Variants in GALNT16 observed in about 807,000 individuals in gnomAD.
GALNT16 encodes polypeptide N-acetylgalactosaminyltransferase 16, also known as UDP-GalNAc:polypeptide N-acetylgalactosaminyltransferase-like protein 1.
GALNT16 carries 40 observed loss-of-function variants against 76.1 expected under a neutral mutation model. That is an observed-to-expected ratio of 0.53 (90% CI 0.41 to 0.68). The LOEUF is 0.68. Among genes scored for constraint, GALNT16 ranks in the 30% least tolerant of loss-of-function variants. The pLI, the probability that GALNT16 is intolerant of heterozygous loss-of-function variation, is 0.00. For synonymous variants in GALNT16, 276 were observed against 285.2 expected (o/e 0.97, Z 0.32); for missense variants, 621 against 731.9 (o/e 0.85, Z 1.75).
intron 1 of GALNT16, among the ~76,000 whole-genome samples, chr14:69,308,774 T>C (rs1044448904): frequency 2.0e-5 from 3 of 152,230 alleles, no homozygotes; most frequent in African/African-American, 7.2e-5. Context: ...AAGTGTATTT[T>C]TACCTAGAAA....
Position 69,331,545 on chromosome 14 carries a change from C to T in GALNT16, c.772C>T (p.Arg258Cys), listed in dbSNP as rs1392900745. 3 of 1,589,604 alleles carry T rather than the reference C, an allele frequency of 1.9e-6. No homozygotes were observed. The highest frequency in any genetic ancestry group is 2.2e-5 in the East Asian group (1 of 44,778). Residue 258 changes from arginine (R) to cysteine (C), a missense_variant, in exon 7 of 15, where the codon CGT becomes TGT. By Grantham distance (180) the Arg-to-Cys change is radical (BLOSUM62 -3). Coordinates refer to ENST00000448469, the MANE Select transcript of GALNT16 (RefSeq NM_001168368.2). ...CTACCTTGCAGCATCTGCTGACCTT[C>T]GTGGAGGTGAGTTCTGCTCCCGGGG... ...FAYLAASADL[R>C]GGFDWSLHFK...
intron 1 of GALNT16, among the ~76,000 whole-genome samples, chr14:69,312,054 AATCTGTCTATCTATCTATCT>A (rs1226151394): frequency 2.4e-5 from 3 of 125,756 alleles, no homozygotes; most frequent in South Asian, 2.4e-4. Context: ...AAAAAAAAAA[AATCTGTCTATCTATCTATCT>A]ATCTATCTAT....
In GALNT16 at chr14:69,320,009, C is replaced by A. The variant is rs61408451; in HGVS notation, c.178-702C>A. Among the ~76,000 whole-genome samples, 1,113 of 152,338 alleles carry A rather than the reference C, an allele frequency of 7.3e-3. 18 individuals carry two copies. Among genetic ancestry groups the A allele is most frequent in the African/African-American group, 0.026 (1,076 of 41,566 alleles). ...GCCTAGGAGACTGTCAATCTGCAGG[C>A]GCTTGGCAGCATCCATTCTGGTTTG... On this transcript the variant is annotated intron_variant, in intron 1 of 14. Coordinates refer to ENST00000448469, the MANE Select transcript of GALNT16 (RefSeq NM_001168368.2).
At chr14:69,357,238 C>G (rs2045700103), downstream of GALNT16, 1 of 152,248 alleles carries the variant, frequency 6.6e-6, no homozygotes, top group African/African-American at 2.4e-5. Context: ...AGTTGGTGCT[C>G]TCTCTCCAGA....
At chr14:69,315,074 T>C (rs1193411985) in intron 1 of GALNT16, among the ~76,000 whole-genome samples, 1 of 152,216 alleles carries the variant, frequency 6.6e-6, no homozygotes, top group Non-Finnish European at 1.5e-5. Flanking sequence ...GAAAATGACA[T>C]GGAAAATATT....
At chr14:69,311,306 C>G (rs183188758) in intron 1 of GALNT16, among the ~76,000 whole-genome samples, 2 of 152,336 alleles carry the variant, frequency 1.3e-5, no homozygotes, top group Admixed American at 1.3e-4. Context: ...GGTGTGAACT[C>G]TCTCTGAAGC....
intron 1 of GALNT16, among the ~76,000 whole-genome samples, chr14:69,278,079 G>GCT (rs2044497125): frequency 6.6e-6 from 1 of 150,460 alleles, no homozygotes; most frequent in Admixed American, 6.7e-5. Context: ...TGCTATCAAA[G>GCT]CTCACTATAA....
chr14:69,372,527 G>A, the GALNT16 span, among the ~76,000 whole-genome samples: 29 of 104,764 alleles, frequency 2.8e-4, no homozygotes, highest in Non-Finnish European at 4.4e-4. Flanking sequence ...ATGGAGTCTT[G>A]CTCTGTTGCC....
At chr14:69,304,014 A>G (rs529227899) in intron 1 of GALNT16, among the ~76,000 whole-genome samples, 1 of 152,158 alleles carries the variant, frequency 6.6e-6, no homozygotes, top group African/African-American at 2.4e-5. Flanking sequence ...TATAATTGCA[A>G]TGTGTTCTAT....
chr14:69,354,231 G>A lies in GALNT16; in HGVS notation c.*2063G>A, dbSNP rs372913700. On this transcript the variant is annotated 3_prime_UTR_variant, in exon 15 of 15. Coordinates refer to ENST00000448469, the MANE Select transcript of GALNT16 (RefSeq NM_001168368.2). ...ATGGACCTTTGGGGCTGGGGAGCCG[G>A]GGCTGCGCCTGTTGAATGTAAGAGG... The A allele has an allele frequency of 3.4e-4, 52 of 153,304 alleles. 2 individuals carry two copies. Among genetic ancestry groups the A allele is most frequent in the East Asian group, 2.5e-3 (13 of 5,200 alleles). The allele number at this position is 153,304 out of a possible 1,614,324, so 9.5% of individuals were successfully genotyped here. A position where few individuals can be genotyped will look rare whatever the true frequency, so the allele number is the denominator to read the frequency against.
In GALNT16 at chr14:69,300,784, G is replaced by A. The variant is rs181397268; in HGVS notation, c.178-19927G>A. Among the ~76,000 whole-genome samples the A allele has an allele frequency of 1.6e-3, 244 of 152,190 alleles. 1 individual carries two copies. Among genetic ancestry groups the A allele is most frequent in the African/African-American group, 5.8e-3 (240 of 41,494 alleles). On this transcript the variant is annotated intron_variant, in intron 1 of 14. Transcript: ENST00000448469. ...AGAGGACATCCAACTCAGAATTAAA[G>A]CAAAACTCCTGTTCCTACCCCCACA...
chr14:69,259,789 G>A (rs1161622110), upstream of GALNT16: 1 of 154,606 alleles, frequency 6.5e-6, no homozygotes, highest in East Asian at 1.9e-4. Context: ...AAGGCCGCTC[G>A]GTCCGGGGGT....
At chr14:69,309,401 C>T (rs937642954) in intron 1 of GALNT16, among the ~76,000 whole-genome samples, 2 of 151,902 alleles carry the variant, frequency 1.3e-5, no homozygotes, top group African/African-American at 4.8e-5. Context: ...TTCCTGGGCT[C>T]CAGTGATCCT....
the GALNT16 span, among the ~76,000 whole-genome samples, chr14:69,371,627 A>C: frequency 2.0e-5 from 3 of 151,374 alleles, no homozygotes; most frequent in Non-Finnish European, 2.9e-5. Context: ...AGTGTGCAAA[A>C]CTCTTAAGAG....
At chr14:69,281,828 C>A (rs565428411) in intron 1 of GALNT16, among the ~76,000 whole-genome samples, 3 of 152,290 alleles carry the variant, frequency 2.0e-5, no homozygotes, top group African/African-American at 7.2e-5. Context: ...CAGACACAGT[C>A]CTCTGCCCGA....
downstream of GALNT16, among the ~76,000 whole-genome samples, chr14:69,360,727 C>A (rs199559450): frequency 6.6e-6 from 1 of 152,106 alleles, no homozygotes; most frequent in Non-Finnish European, 1.5e-5. Flanking sequence ...CCCTTGGGCC[C>A]CACTCAGACC....
At chr14:69,337,213 C>T (rs534406069) in intron 9 of GALNT16, among the ~76,000 whole-genome samples, 2 of 152,132 alleles carry the variant, frequency 1.3e-5, no homozygotes, top group Non-Finnish European at 2.9e-5. Context: ...ACAATGTGAA[C>T]TTGATGCTGC....
the GALNT16 span, chr14:69,380,720 A>G: frequency 1.5e-5 from 12 of 781,548 alleles, no homozygotes; most frequent in Admixed American, 1.5e-4. Flanking sequence ...ATAACTGCCC[A>G]ATGATGGCAT....
intron 1 of GALNT16, among the ~76,000 whole-genome samples, chr14:69,319,349 C>T (rs1363260308): frequency 2.6e-5 from 4 of 152,204 alleles, no homozygotes; most frequent in African/African-American, 7.2e-5. Context: ...CAGTGTCATT[C>T]CACACAGCGA....
Sources: allele counts gnomAD v4.1 joint callset (sites outside exome capture counted in the v4.1 genomes callset), GRCh38; gene constraint gnomAD v4.1.1; transcripts MANE v1.5; gene names NCBI Gene and HGNC (gene_info 2026-07-23, HGNC 2026-07-21).